The following PLB1 variants were observed in gnomAD, a reference collection of about 807,000 sequenced individuals.
PLB1 encodes the protein phospholipase B1, also known as phospholipase B1, membrane-associated.
PLB1 carries 242 observed loss-of-function variants against 227.4 expected under a neutral mutation model. The observed-to-expected ratio is 1.06, with a 90% CI of 0.96 to 1.18. The LOEUF is 1.18. Among genes scored for constraint, PLB1 ranks in the 50% most tolerant of loss-of-function variants. The probability of loss-of-function intolerance (pLI) is 0.00; values close to 1 mark genes in which losing one functional copy is unlikely to be tolerated. For missense variants in PLB1, 1,858 were observed against 1,816.3 expected, an observed-to-expected ratio of 1.02 and a Z score of -0.42; for synonymous variants, 757 against 682.2, an observed-to-expected ratio of 1.11 and a Z score of -1.71.
rs1052358 is a variant in PLB1 at position 28,643,111 on chromosome 2, C to T, written c.*50C>T. 140,903 of 1,473,560 alleles carry T rather than the reference C, an allele frequency of 0.096. 8,376 individuals carry two copies. The highest frequency in any genetic ancestry group is 0.25 in the African/African-American group (17,826 of 71,922). The allele number at this position is 1,473,560 out of a possible 1,614,324, so 91.3% of individuals were successfully genotyped here. A position where few individuals can be genotyped will look rare whatever the true frequency, so the allele number is the denominator to read the frequency against. ...AACTCCCTATAGCCACTCTCTTCACCGCCCTCTGCCCCAGCCACTCCCGGC... is the reference window on the plus strand; with the variant it reads ...AACTCCCTATAGCCACTCTCTTCACTGCCCTCTGCCCCAGCCACTCCCGGC... On this transcript the variant is annotated 3_prime_UTR_variant, in exon 58 of 58. Transcript: ENST00000327757.
chr2:28,580,628 C>G (rs769359649), intron 23 of PLB1, among the ~76,000 whole-genome samples: 1 of 151,966 alleles, frequency 6.6e-6, no homozygotes, highest in African/African-American at 2.4e-5. Flanking sequence ...GCGGAAGAAT[C>G]GCTTGAACCC....
intron 20 of PLB1, among the ~76,000 whole-genome samples, chr2:28,569,492 A>G (rs10865502): frequency 0.62 from 94,649 of 151,634 alleles, 31,972 homozygotes; most frequent in Non-Finnish European, 0.78. Flanking sequence ...CTTTAGACTG[A>G]CAAAAGGGAG....
At position 28,643,219 on chromosome 2, in the gene PLB1, C is replaced by A. The variant is rs971128774; in HGVS notation, c.*158C>A. Reference sequence around the variant, plus strand: ...TCTTGGGGCCTGGGCTTCTTCCAGGCCTATGCTCCTGGAATGGATACATTT... The same window carrying A: ...TCTTGGGGCCTGGGCTTCTTCCAGGACTATGCTCCTGGAATGGATACATTT... On this transcript the variant is annotated 3_prime_UTR_variant, in exon 58 of 58. Transcript: ENST00000327757. 2 of 619,438 alleles carry A rather than the reference C, an allele frequency of 3.2e-6. No homozygotes were observed. The highest frequency in any genetic ancestry group is 2.8e-5 in the East Asian group (1 of 35,394). 38.4% of individuals were successfully genotyped at this position (619,438 alleles called of 1,614,324 possible).
At position 28,565,322 on chromosome 2, in the gene PLB1, G is replaced by T. The variant is rs765559609; in HGVS notation, c.1249G>T (p.Val417Phe). 11 of 1,611,574 alleles carry T rather than the reference G, an allele frequency of 6.8e-6. No individual in the cohort carries two copies. The highest frequency in any genetic ancestry group is 1.3e-5 in the African/African-American group (1 of 74,916). The stretch of plus-strand genomic sequence containing the variant: ...GTCCACACCTGGGAACGTCTTGGAC[G>T]TCTTGACTCAGTACCGAGGCCTGTC... Reference protein sequence around the residue: ...AGSTPGNVLDVLTQYRGLSWS... With the variant: ...AGSTPGNVLDFLTQYRGLSWS... Residue 417 changes from valine (V) to phenylalanine (F), a missense_variant, in exon 19 of 58, where the codon GTC becomes TTC. Physicochemically the swap from Val to Phe is conservative, Grantham distance 50 (BLOSUM62 -1). Transcript: ENST00000327757.
chr2:28,632,220 GC>G, intron 55 of PLB1, 80 bp downstream of exon 55: 3 of 1,078,386 alleles, frequency 2.8e-6, no homozygotes, highest in South Asian at 3.0e-5. Context: ...CTCTAAGTGG[GC>G]TTTTTTTTTT....
intron 17 of PLB1, among the ~76,000 whole-genome samples, chr2:28,553,669 G>C (rs1674578702): frequency 1.3e-5 from 2 of 152,136 alleles, no homozygotes; most frequent in African/African-American, 4.8e-5. Context: ...ATCTGTAGCA[G>C]TGTTATAGAT....
chr2:28,538,963 G>C (rs1672089150), intron 10 of PLB1, 136 bp from the exon 11 acceptor site: 1 of 704,816 alleles, frequency 1.4e-6, no homozygotes, highest in Non-Finnish European at 2.6e-6. Context: ...TCTCCCAAAG[G>C]ATCAGGCCCA....
At chr2:28,500,396 T>A (rs1350253666) in intron 1 of PLB1, among the ~76,000 whole-genome samples, 2 of 152,160 alleles carry the variant, frequency 1.3e-5, no homozygotes, top group African/African-American at 4.8e-5. Flanking sequence ...ACCTGCCCCA[T>A]GTGGTTTATA....
intron 55 of PLB1, among the ~76,000 whole-genome samples, chr2:28,632,680 C>T (rs570289722): frequency 1.8e-4 from 27 of 151,952 alleles, no homozygotes; most frequent in African/African-American, 5.1e-4. Context: ...CCCAGGTACT[C>T]GGGAGGCAGA....
chr2:28,525,283 C>T lies in PLB1; in HGVS notation c.260C>T (p.Thr87Met), dbSNP rs1229719852. The T allele has an allele frequency of 1.9e-5, 31 of 1,613,436 alleles. No homozygotes were observed. Among genetic ancestry groups the T allele is most frequent in the Non-Finnish European group, 2.4e-5 (28 of 1,179,948 alleles). The change falls in exon 5 of 58, where the codon ACG becomes ATG. Residue 87 changes from threonine (T) to methionine (M), a missense_variant. Coordinates refer to ENST00000327757, the MANE Select transcript of PLB1 (RefSeq NM_153021.5). ...GNLEIPPDPG[T>M]GDLEKQDWTE... ...CTATTCCAGCCTCCAGACCCAGGGA[C>T]GGGCGATCTGGAGAAGCAAGACTGG...
chr2:28,538,329 C>A lies in PLB1; in HGVS notation c.566C>A (p.Ala189Glu). Reference sequence around the variant, plus strand: ...GTTCTCCTCTCACAGAATGGGCTTGCGGCGGGCGGCGTGGATGAGCTGATG... The same window carrying A: ...GTTCTCCTCTCACAGAATGGGCTTGAGGCGGGCGGCGTGGATGAGCTGATG... ...LCPSAQQNGL[A>E]AGGVDELMGV... Residue 189 changes from alanine (A) to glutamate (E), a missense_variant, in exon 10 of 58, where the codon GCG becomes GAG. By Grantham distance (107) the Ala-to-Glu change is moderately radical. Transcript: ENST00000327757. 1.2e-6 allele frequency: 2 copies of A among 1,613,308 alleles called. No homozygotes were observed. Among genetic ancestry groups the A allele is most frequent in the Non-Finnish European group, 1.7e-6 (2 of 1,179,860 alleles).
chr2:28,549,828 G>A (rs995183781), intron 15 of PLB1, among the ~76,000 whole-genome samples, 182 bp from the exon 16 acceptor site: 2 of 152,172 alleles, frequency 1.3e-5, no homozygotes, highest in Admixed American at 6.5e-5. Context: ...AATGGGAAAT[G>A]TCAACGCATT....
chr2:28,505,371 T>C (rs1353946295), intron 1 of PLB1, among the ~76,000 whole-genome samples: 3 of 152,248 alleles, frequency 2.0e-5, no homozygotes, highest in Non-Finnish European at 2.9e-5. Context: ...CTGCTTTGAA[T>C]GTTTTGGCTT....
At chr2:28,547,205 A>AAAG (rs1673412766) in intron 14 of PLB1, among the ~76,000 whole-genome samples, 1 of 54,140 alleles carries the variant, frequency 1.8e-5, no homozygotes, top group Non-Finnish European at 4.9e-5. Flanking sequence ...CTGTCTCCAA[A>AAAG]AAAAAAAAAA....
rs1418226970 is a variant in PLB1 at position 28,521,018 on chromosome 2, T to C, written c.243+1255T>C. On this transcript the variant is annotated intron_variant, in intron 4 of 57. Transcript: ENST00000327757. ...AAGAAATCATACACTTAATGTTTCA[T>C]ATAAGTGAAATCATACAGTATTTGT... 2.0e-5 allele frequency among the ~76,000 whole-genome samples: 3 copies of C among 152,216 alleles called. No homozygotes were observed. In the East Asian group the frequency reaches 5.8e-4, roughly 29 times the overall value.
At chr2:28,632,171 G>C in intron 55 of PLB1, 31 bp downstream of exon 55, 1 of 1,532,326 alleles carries the variant, frequency 6.5e-7, no homozygotes, top group Non-Finnish European at 9.0e-7. Context: ...GGAGGCTCAC[G>C]TATGGGGGCC....
At chr2:28,525,102 C>T (rs1268131633) in intron 4 of PLB1, among the ~76,000 whole-genome samples, 165 bp from the exon 5 acceptor site, 1 of 152,122 alleles carries the variant, frequency 6.6e-6, no homozygotes, top group Non-Finnish European at 1.5e-5. Flanking sequence ...TCCCTGTGCT[C>T]AGCCTCCCAA....
intron 29 of PLB1, 95 bp from the exon 30 acceptor site, chr2:28,591,038 G>T: frequency 2.0e-6 from 3 of 1,494,698 alleles, no homozygotes; most frequent in Non-Finnish European, 2.8e-6. Flanking sequence ...CAGGCAGGCC[G>T]CAGCTGTTTG....
At chr2:28,518,926 A>G (rs1669167748) in intron 3 of PLB1, among the ~76,000 whole-genome samples, 1 of 152,166 alleles carries the variant, frequency 6.6e-6, no homozygotes, top group Non-Finnish European at 1.5e-5. Context: ...CCCTGACTTT[A>G]TCATATTGAG....
Sources: allele counts gnomAD v4.1 joint callset (sites outside exome capture counted in the v4.1 genomes callset), GRCh38; gene constraint gnomAD v4.1.1; transcripts MANE v1.5; gene names NCBI Gene and HGNC (gene_info 2026-07-23, HGNC 2026-07-21).